Variants in ZNF827 observed in about 807,000 individuals in gnomAD.
ZNF827 encodes the protein zinc finger protein 827.
ZNF827 carries 13 observed loss-of-function variants against 102.4 expected under a neutral mutation model. That is an observed-to-expected ratio of 0.13 (90% CI 0.08 to 0.20). ZNF827 has a LOEUF of 0.20. ZNF827 is among the 10% of genes least tolerant of loss of function. The pLI, the probability that ZNF827 is intolerant of heterozygous loss-of-function variation, is 1.00. For missense variants in ZNF827, 1,103 were observed against 1,344.4 expected, an observed-to-expected ratio of 0.82 and a Z score of 2.81; for synonymous variants, 523 against 536.2, an observed-to-expected ratio of 0.98 and a Z score of 0.34.
chr4:145,892,422 A>T lies in ZNF827; in HGVS notation c.1094-7T>A. The T allele has an allele frequency of 6.2e-7, 1 of 1,607,598 alleles. No homozygotes were observed. The highest frequency in any genetic ancestry group is 1.1e-5 in the South Asian group (1 of 90,202). ...CCACTTTCCTCTTCTGAGGCTTGGA[A>T]GAAGGAGAAAGAAAGGACCATTAAG... On this transcript the variant is annotated splice_polypyrimidine_tract_variant and splice_region_variant and intron_variant, in intron 2 of 14. Transcript: ENST00000508784.
chr4:145,851,092 C>T (rs1406316780), intron 5 of ZNF827, among the ~76,000 whole-genome samples: 3 of 152,198 alleles, frequency 2.0e-5, no homozygotes, highest in Non-Finnish European at 4.4e-5. Flanking sequence ...GGAGTCCCTG[C>T]AGCCACTGGA....
chr4:145,808,647 A>G (rs1741726308), intron 8 of ZNF827, among the ~76,000 whole-genome samples: 1 of 152,224 alleles, frequency 6.6e-6, no homozygotes, highest in Non-Finnish European at 1.5e-5. Flanking sequence ...CTTAGTCTGA[A>G]GCACTTTGAT....
At chr4:145,795,308 T>C (rs1579214208) in intron 8 of ZNF827, among the ~76,000 whole-genome samples, 1 of 152,280 alleles carries the variant, frequency 6.6e-6, no homozygotes, top group East Asian at 1.9e-4. Context: ...ACCACCCGCC[T>C]GGCTAATTTT....
Position 145,846,063 on chromosome 4 carries a change from ACTTGCATCTTTTAGC to A in ZNF827, c.2222-65_2222-51del, listed in dbSNP as rs768337264. The A allele has an allele frequency of 5.1e-6, 8 of 1,583,692 alleles. No individual in the cohort carries two copies. In the African/African-American group the frequency reaches 1.1e-4, roughly 21 times the overall value. Reference sequence around the variant, plus strand: ...ACACCTCTTAGGTTGTTCTCACTCAACTTGCATCTTTTAGCCTTAAGCAGAAAAACCCTCAACATC... The same window carrying A: ...ACACCTCTTAGGTTGTTCTCACTCAACTTAAGCAGAAAAACCCTCAACATC... On this transcript the variant is annotated intron_variant, in intron 6 of 14. Transcript: ENST00000508784.
intron 7 of ZNF827, among the ~76,000 whole-genome samples, chr4:145,835,621 T>TC (rs1379852441): frequency 6.7e-6 from 1 of 149,764 alleles, no homozygotes; most frequent in East Asian, 2.0e-4. Flanking sequence ...TCCTCTTGTA[T>TC]CCCCCCACCT....
At chr4:145,846,435 G>A (rs188218195) in intron 6 of ZNF827, among the ~76,000 whole-genome samples, 1,515 of 150,742 alleles carry the variant, frequency 0.01, 16 homozygotes, top group African/African-American at 0.034. Context: ...CCGAGATCGC[G>A]CCACTACACT....
intron 11 of ZNF827, among the ~76,000 whole-genome samples, chr4:145,769,608 C>T (rs1735934980): frequency 6.6e-6 from 1 of 152,180 alleles, no homozygotes; most frequent in African/African-American, 2.4e-5. Flanking sequence ...AATCCCTAGT[C>T]CAAACAGCCT....
At chr4:145,878,120 T>C (rs777606419) in intron 4 of ZNF827, among the ~76,000 whole-genome samples, 1 of 152,184 alleles carries the variant, frequency 6.6e-6, no homozygotes, top group Non-Finnish European at 1.5e-5. Flanking sequence ...ACAGATCAGT[T>C]TGTAAATGAT....
intron 11 of ZNF827, among the ~76,000 whole-genome samples, chr4:145,766,379 T>C (rs1376841197): frequency 6.6e-6 from 1 of 152,140 alleles, no homozygotes; most frequent in Non-Finnish European, 1.5e-5. Context: ...AGACAAAATA[T>C]ACCAAATGCT....
intron 8 of ZNF827, among the ~76,000 whole-genome samples, chr4:145,799,350 A>T (rs1740666829): frequency 6.6e-6 from 1 of 152,192 alleles, no homozygotes; most frequent in African/African-American, 2.4e-5. Context: ...CATATATATG[A>T]CATCATTAAT....
intron 7 of ZNF827, among the ~76,000 whole-genome samples, chr4:145,844,680 A>ATAAATAAATAAAT (rs1745753797): frequency 6.0e-4 from 1 of 1,680 alleles, no homozygotes; most frequent in African/African-American, 1.5e-3. Flanking sequence ...ACTGTCTCAA[A>ATAAATAAATAAAT]TAAATAAATA....
Position 145,843,019 on chromosome 4 carries a change from G to A in ZNF827, c.2279+2937C>T, listed in dbSNP as rs554583199. 5.9e-5 allele frequency among the ~76,000 whole-genome samples: 9 copies of A among 152,274 alleles called. No homozygotes were observed. The East Asian group carries it at 1.7e-3, about 29-fold the overall frequency. ...CACACACTGATCTTGTACCTGCAGA[G>A]TAAGAGTTCCTTCTAAAACAGGAGT... On this transcript the variant is annotated intron_variant, in intron 7 of 14. Coordinates refer to ENST00000508784, the MANE Select transcript of ZNF827 (RefSeq NM_001306215.2).
chr4:145,916,828 T>C (rs533585870), intron 1 of ZNF827, among the ~76,000 whole-genome samples: 27 of 152,344 alleles, frequency 1.8e-4, no homozygotes, highest in Non-Finnish European at 3.5e-4. Context: ...TCTCAAGAGA[T>C]ACCCTAGTTG....
intron 11 of ZNF827, among the ~76,000 whole-genome samples, chr4:145,772,040 C>T (rs896563137): frequency 6.6e-6 from 1 of 152,124 alleles, no homozygotes; most frequent in Admixed American, 6.5e-5. Context: ...GAACCTGGAT[C>T]GAGAATTCAG....
At chr4:145,772,504 A>G (rs1736436719) in intron 11 of ZNF827, among the ~76,000 whole-genome samples, 1 of 152,176 alleles carries the variant, frequency 6.6e-6, no homozygotes, top group African/African-American at 2.4e-5. Flanking sequence ...CTTGGGCTCA[A>G]ATGAGCCTCC....
Position 145,871,814 on chromosome 4 carries a change from C to T in ZNF827, c.1748-1336G>A, listed in dbSNP as rs149622477. 1.9e-3 allele frequency among the ~76,000 whole-genome samples: 287 copies of T among 152,262 alleles called. 4 individuals are homozygous for T. Among genetic ancestry groups the T allele is most frequent in the African/African-American group, 6.3e-3 (262 of 41,536 alleles). Reference sequence around the variant, plus strand: ...TTCTGGAATCACAAGTTCACACAGACCAGCATATTTGGAAACTGAACCCCA... The same window carrying T: ...TTCTGGAATCACAAGTTCACACAGATCAGCATATTTGGAAACTGAACCCCA... On this transcript the variant is annotated intron_variant, in intron 4 of 14. Coordinates refer to ENST00000508784, the MANE Select transcript of ZNF827 (RefSeq NM_001306215.2).
chr4:145,761,885 A>G lies in ZNF827; in HGVS notation c.*18-287T>C, dbSNP rs1329956820. Among the ~76,000 whole-genome samples the G allele has an allele frequency of 1.3e-5, 2 of 152,144 alleles. No individual in the cohort carries two copies. The highest frequency in any genetic ancestry group is 2.9e-5 in the Non-Finnish European group (2 of 68,004). ...CCAGCCCTCACCAAGGGGAGCAGAG[A>G]AAGTGCCAGGAATCAATTTGCTGGT... is the stretch of plus-strand genomic sequence containing the variant. On this transcript the variant is annotated intron_variant, in intron 14 of 14. Transcript: ENST00000508784. This position sits in a 1 kb window ranked among gnomAD's most constrained non-coding sequence, Gnocchi z 6.8.
chr4:145,806,292 C>T (rs927420485), intron 8 of ZNF827, among the ~76,000 whole-genome samples: 1 of 151,476 alleles, frequency 6.6e-6, no homozygotes, highest in African/African-American at 2.4e-5. Flanking sequence ...ACTGGGATCA[C>T]AGGCACACTC....
Position 145,760,813 on chromosome 4 carries a change from T to C in ZNF827, c.*803A>G, listed in dbSNP as rs532939035. On this transcript the variant is annotated 3_prime_UTR_variant, in exon 15 of 15. Coordinates refer to ENST00000508784, the MANE Select transcript of ZNF827 (RefSeq NM_001306215.2). The stretch of plus-strand genomic sequence containing the variant: ...CTCTGCTCTTTCTCTCAGTCCGAGA[T>C]AGGCCAGGAAGGAGTGTTTGGGTGA... The C allele has an allele frequency of 3.4e-6, 4 of 1,187,444 alleles. No homozygotes were observed. The highest frequency in any genetic ancestry group is 3.2e-5 in the African/African-American group (2 of 61,990). 73.6% of individuals were successfully genotyped at this position (1,187,444 alleles called of 1,614,324 possible).
Sources: gnomAD v4.1 joint callset for allele counts (sites outside exome capture counted in the v4.1 genomes callset) on GRCh38, gnomAD v4.1.1 for gene constraint, Gnocchi (gnomAD v3.1) non-coding constraint, MANE v1.5 for transcripts, NCBI Gene and HGNC (gene_info 2026-07-23, HGNC 2026-07-21) for gene names.